Variants in KAT6A observed in about 807,000 individuals in gnomAD.
KAT6A encodes the protein histone acetyltransferase KAT6A.
In KAT6A, 9 loss-of-function variants were observed where a neutral mutation model predicts 198.4. The ratio of observed to expected loss-of-function variants is 0.05; its 90% CI spans 0.03 to 0.08. The LOEUF is 0.08. Among genes scored for constraint, KAT6A ranks in the 10% least tolerant of loss-of-function variants. The pLI, the probability that KAT6A is intolerant of heterozygous loss-of-function variation, is 1.00. For missense variants in KAT6A, 2,077 were observed against 2,509.9 expected, an observed-to-expected ratio of 0.83 and a Z score of 3.69; for synonymous variants, 890 against 883.0, an observed-to-expected ratio of 1.01 and a Z score of -0.14.
chr8:41,957,162 TCAC>T (rs1278655905), intron 8 of KAT6A: 7 of 595,812 alleles, frequency 1.2e-5, no homozygotes, highest in South Asian at 2.8e-5. Context: ...TGTTTGCACA[TCAC>T]CACAACTGCG....
In KAT6A at chr8:41,932,990, A is replaced by G. The variant is rs1255077257; in HGVS notation, c.5230T>C (p.Tyr1744His). 1 of 1,614,042 alleles carries G rather than the reference A, an allele frequency of 6.2e-7. No individual in the cohort carries two copies. Among genetic ancestry groups the G allele is most frequent in the Non-Finnish European group, 8.5e-7 (1 of 1,180,006 alleles). The change falls in exon 17 of 17, where the codon TAC becomes CAC. Residue 1744 changes from tyrosine to histidine, a missense_variant. By Grantham distance (83) the Tyr-to-His change is moderately conservative. This residue lies in a region of KAT6A where 500 missense variants were observed against 577.2 expected (regional missense o/e 0.87). Coordinates refer to ENST00000265713, the MANE Select transcript of KAT6A (RefSeq NM_006766.5). ...CTGAAGGTGGCTGATGGTTGAGAGT[A>G]GCTGCCGGCACCAAAATCCCCTGGA... ...RIPGDFGAGS[Y>H]SQPSATFSLA...
At chr8:41,938,227 A>C (rs1587715244) in intron 15 of KAT6A, among the ~76,000 whole-genome samples, 1 of 152,232 alleles carries the variant, frequency 6.6e-6, no homozygotes, top group African/African-American at 2.4e-5. Flanking sequence ...CCTTCATTCT[A>C]TAGATGTCAG....
At chr8:41,942,009 AATTTC>A (rs2150862221) in intron 14 of KAT6A, 1 of 181,222 alleles carries the variant, frequency 5.5e-6, no homozygotes, top group African/African-American at 2.3e-5. Flanking sequence ...TATTCTGAAT[AATTTC>A]ATTTTGAAAA....
chr8:42,030,316 T>G (rs1013131929), intron 2 of KAT6A, among the ~76,000 whole-genome samples: 10 of 152,178 alleles, frequency 6.6e-5, no homozygotes, highest in Admixed American at 2.6e-4. Context: ...CACTGGGGAC[T>G]TTCTCCCGGC....
intron 2 of KAT6A, among the ~76,000 whole-genome samples, chr8:42,006,661 G>A (rs1825764818): frequency 6.6e-6 from 1 of 152,278 alleles, no homozygotes; most frequent in African/African-American, 2.4e-5. Context: ...GTACTAGCAA[G>A]TATAATAAAT....
intron 11 of KAT6A, among the ~76,000 whole-genome samples, chr8:41,947,141 T>A (rs1822437663): frequency 6.6e-6 from 1 of 152,240 alleles, no homozygotes; most frequent in Non-Finnish European, 1.5e-5. Context: ...TAGTCACTTT[T>A]ATAATTTTAT....
At position 41,937,611 on chromosome 8, in the gene KAT6A, TC is replaced by T. The variant is rs1821919517; in HGVS notation, c.3040-44del. On this transcript the variant is annotated intron_variant, in intron 15 of 16. Transcript: ENST00000265713. ...CAAGTATTTACAGTTATGAACACTA[TC>T]TTTTCTATTAATAATACGAAAACAG... The T allele has an allele frequency of 2.1e-6, 3 of 1,432,590 alleles. No homozygotes were observed. The African/African-American group carries it at 4.3e-5, about 21-fold the overall frequency. 88.7% of individuals were successfully genotyped at this position (1,432,590 alleles called of 1,614,324 possible).
intron 1 of KAT6A, 97 bp downstream of exon 1, chr8:42,051,804 C>A (rs1394064447): frequency 1.4e-5 from 2 of 147,378 alleles, no homozygotes; most frequent in Admixed American, 6.7e-5. Context: ...CCTGCAGCGG[C>A]CCGCCGACCC....
intron 2 of KAT6A, among the ~76,000 whole-genome samples, chr8:42,010,728 C>T (rs1825982238): frequency 6.6e-6 from 1 of 152,206 alleles, no homozygotes; most frequent in Non-Finnish European, 1.5e-5. Flanking sequence ...TTATGGCCCA[C>T]ACCTTCACTA....
intron 2 of KAT6A, among the ~76,000 whole-genome samples, chr8:42,040,757 AAAAG>A (rs1222606154): frequency 2.0e-5 from 3 of 149,648 alleles, no homozygotes; most frequent in Admixed American, 6.7e-5. Flanking sequence ...AAAAAAAAAA[AAAAG>A]AAAGAAAGAA....
intron 2 of KAT6A, chr8:42,043,571 G>A (rs979892449): frequency 2.0e-5 from 3 of 151,916 alleles, no homozygotes; most frequent in Non-Finnish European, 2.9e-5. Context: ...CTTATCACTG[G>A]TCCAAAGTGA....
intron 8 of KAT6A, among the ~76,000 whole-genome samples, chr8:41,967,719 C>T (rs1476115019): frequency 3.3e-5 from 5 of 151,982 alleles, no homozygotes; most frequent in Admixed American, 2.6e-4. Context: ...GGGTTGGTTC[C>T]AAGTCTTTGC....
At chr8:42,005,796 A>ACACTCT (rs1554692835) in intron 2 of KAT6A, among the ~76,000 whole-genome samples, 3 of 148,794 alleles carry the variant, frequency 2.0e-5, no homozygotes, top group East Asian at 3.9e-4. Context: ...ACACACACAC[A>ACACTCT]CACTCACTCT....
chr8:42,031,093 A>G (rs908675511), intron 2 of KAT6A, among the ~76,000 whole-genome samples: 1 of 151,754 alleles, frequency 6.6e-6, no homozygotes, highest in Admixed American at 6.6e-5. Flanking sequence ...ATACACATAC[A>G]ATCATTTCAA....
rs1821629477 is a variant in KAT6A, at chr8:41,932,926, T to C, written c.5294A>G (p.Asp1765Gly). 1 of 1,613,914 alleles carries C rather than the reference T, an allele frequency of 6.2e-7. No individual in the cohort carries two copies. The highest frequency in any genetic ancestry group is 1.3e-5 in the African/African-American group (1 of 74,882). The change falls in exon 17 of 17, where the codon GAC becomes GGC. Residue 1765 changes from aspartate to glycine, a missense_variant. Asp to Gly is a moderately conservative substitution (Grantham distance 94, BLOSUM62 -1). Coordinates refer to ENST00000265713, the MANE Select transcript of KAT6A (RefSeq NM_006766.5). ...KLQQLTNTIM[D>G]PHAMPYSHSP... ...ATGGCTATAAGGCATGGCATGAGGGTCCATAATGGTGTTGGTCAGCTGCTG... is the reference window on the plus strand; with the variant it reads ...ATGGCTATAAGGCATGGCATGAGGGCCCATAATGGTGTTGGTCAGCTGCTG...
At chr8:41,988,387 ATATTTGCTTTTTATATATC>A (rs1156539195) in intron 2 of KAT6A, among the ~76,000 whole-genome samples, 1 of 152,248 alleles carries the variant, frequency 6.6e-6, no homozygotes, top group Non-Finnish European at 1.5e-5. Context: ...TATACATTAA[ATATTTGCTTTTTATATATC>A]AATTATACCT....
chr8:41,972,225 A>T (rs1221334824), intron 8 of KAT6A, among the ~76,000 whole-genome samples: 4 of 152,264 alleles, frequency 2.6e-5, no homozygotes, highest in Non-Finnish European at 5.9e-5. Flanking sequence ...TTCTCCTTAC[A>T]ATAGAATGCC....
intron 2 of KAT6A, among the ~76,000 whole-genome samples, chr8:42,040,735 C>CAAAAAAAAAAAAAAA (rs59959496): frequency 3.8e-4 from 21 of 54,632 alleles, no homozygotes; most frequent in South Asian, 6.3e-4. Flanking sequence ...GACTCTGTCT[C>CAAAAAAAAAAAAAAA]AAAAAAAAAA....
chr8:41,995,601 AAAT>A (rs1392444680), intron 2 of KAT6A, among the ~76,000 whole-genome samples: 1 of 152,128 alleles, frequency 6.6e-6, no homozygotes, highest in Non-Finnish European at 1.5e-5. Flanking sequence ...AGAATATCTT[AAAT>A]AATGACATTT....
Sources: allele counts gnomAD v4.1 joint callset (sites outside exome capture counted in the v4.1 genomes callset), GRCh38; gene constraint gnomAD v4.1.1; regional missense constraint gnomAD v4.1.1; transcripts MANE v1.5; gene names NCBI Gene and HGNC (gene_info 2026-07-23, HGNC 2026-07-21).